The following RPTOR variants were observed in gnomAD, a reference collection of about 807,000 sequenced individuals.
RPTOR encodes regulatory-associated protein of mTOR.
Under a neutral mutation model 169.9 loss-of-function variants are expected in RPTOR, and 21 were observed. The ratio of observed to expected loss-of-function variants is 0.12; its 90% confidence interval spans 0.09 to 0.18. The LOEUF (loss-of-function observed/expected upper bound fraction) is 0.18. Ranked by LOEUF, RPTOR falls within the 10% of genes least tolerant of loss-of-function variation. The probability of loss-of-function intolerance (pLI) is 1.00; values close to 1 mark genes in which losing one functional copy is unlikely to be tolerated. For synonymous variants in RPTOR, 732 were observed against 753.2 expected, an observed-to-expected ratio of 0.97 and a Z score of 0.46; for missense variants, 1,133 against 1,855.9, an observed-to-expected ratio of 0.61 and a Z score of 7.16.
intron 11 of RPTOR, among the ~76,000 whole-genome samples, chr17:80,847,741 T>C (rs567125129): frequency 2.0e-5 from 3 of 152,148 alleles, no homozygotes; most frequent in South Asian, 4.2e-4. Context: ...GATCGGGTGG[T>C]GGTACCTCCA....
At chr17:80,940,403 T>C in intron 24 of RPTOR, 93 bp from the exon 25 acceptor site, 1 of 1,021,206 alleles carries the variant, frequency 9.8e-7, no homozygotes, top group Non-Finnish European at 1.4e-6. Context: ...CAGGTTTTGC[T>C]ATCCGAGGGG....
intron 2 of RPTOR, among the ~76,000 whole-genome samples, chr17:80,643,036 A>C (rs746265872): frequency 3.9e-5 from 6 of 152,238 alleles, no homozygotes; most frequent in Non-Finnish European, 7.3e-5. Flanking sequence ...TGAATGAAGA[A>C]AAATATTTAA....
chr17:80,858,074 T>A, intron 13 of RPTOR, 174 bp downstream of exon 13: 1 of 619,212 alleles, frequency 1.6e-6, no homozygotes, highest in East Asian at 2.8e-5. Context: ...GGCAGCCACC[T>A]CTGGGTCGTG....
At chr17:80,559,158 G>A (rs2084447575) in intron 1 of RPTOR, among the ~76,000 whole-genome samples, 1 of 152,146 alleles carries the variant, frequency 6.6e-6, no homozygotes, top group Non-Finnish European at 1.5e-5. Flanking sequence ...TTTTGGCCTT[G>A]CATGTAGTAG....
At chr17:80,701,242 C>T (rs990785610) in intron 3 of RPTOR, among the ~76,000 whole-genome samples, 2 of 152,154 alleles carry the variant, frequency 1.3e-5, no homozygotes, top group African/African-American at 2.4e-5. Flanking sequence ...CTCAGCGGCT[C>T]CACCTGGTTG....
chr17:80,904,017 G>T (rs1184373794), intron 20 of RPTOR, among the ~76,000 whole-genome samples: 1 of 152,222 alleles, frequency 6.6e-6, no homozygotes, highest in African/African-American at 2.4e-5. Context: ...AGGCCATTAT[G>T]ATGTTTGTCT....
intron 1 of RPTOR, among the ~76,000 whole-genome samples, chr17:80,610,317 T>TA (rs780491837): frequency 4.6e-5 from 7 of 152,224 alleles, no homozygotes; most frequent in Non-Finnish European, 1.0e-4. Flanking sequence ...ATTATGATGA[T>TA]ATAGACAGAA....
intron 29 of RPTOR, among the ~76,000 whole-genome samples, chr17:80,958,200 C>A (rs567811316): frequency 1.3e-4 from 5 of 39,686 alleles, no homozygotes; most frequent in African/African-American, 1.8e-4. Flanking sequence ...CCACCTCACC[C>A]CCCCCCCCCA....
intron 9 of RPTOR, among the ~76,000 whole-genome samples, chr17:80,832,319 C>G (rs189817688): frequency 8.7e-4 from 132 of 152,316 alleles, no homozygotes; most frequent in Non-Finnish European, 1.5e-3. Flanking sequence ...CGTGGAAGCT[C>G]GTGCTGGCCA....
chr17:80,637,450 C>G (rs962438105), intron 2 of RPTOR, among the ~76,000 whole-genome samples: 1 of 152,222 alleles, frequency 6.6e-6, no homozygotes, highest in East Asian at 1.9e-4. Context: ...ACCCCTGCTC[C>G]GCCCCCCTCT....
intron 6 of RPTOR, among the ~76,000 whole-genome samples, chr17:80,777,924 G>A (rs2066906912): frequency 6.6e-6 from 1 of 152,146 alleles, no homozygotes; most frequent in Non-Finnish European, 1.5e-5. Context: ...GCCAGAGGCT[G>A]AAGAGGGAAG....
chr17:80,937,861 C>A (rs953454860), intron 24 of RPTOR, among the ~76,000 whole-genome samples: 15 of 152,358 alleles, frequency 9.8e-5, no homozygotes, highest in African/African-American at 3.6e-4. Context: ...CCACCGCTCT[C>A]CCTCCTGCCT....
chr17:80,841,244 AG>A (rs2067648409), intron 10 of RPTOR, among the ~76,000 whole-genome samples: 1 of 95,298 alleles, frequency 1.0e-5, no homozygotes, highest in African/African-American at 4.6e-5. Context: ...ACCGCACGGC[AG>A]CTCACTCTCA....
rs1261462866 is a variant in RPTOR at position 80,708,607 on chromosome 17, GT to G, written c.507+609del. On this transcript the variant is annotated intron_variant, in intron 4 of 33. Coordinates refer to ENST00000306801, the MANE Select transcript of RPTOR (RefSeq NM_020761.3). The surrounding 1 kb of genome is among the most constrained non-coding windows in gnomAD (Gnocchi z 4.2). ...GACTGTTGTCCCCACCCTCCAGGGT[GT>G]GGTGGGTGCTGACTGTCTCCTCATC... Among the ~76,000 whole-genome samples, 768 of 144,438 alleles carry G rather than the reference GT, an allele frequency of 5.3e-3. 5 individuals carry two copies. Among genetic ancestry groups the G allele is most frequent in the Middle Eastern group, 0.01 (3 of 290 alleles). 94.8% of individuals were successfully genotyped at this position (144,438 alleles called of 152,430 possible).
At position 80,857,829 on chromosome 17, in the gene RPTOR, C is replaced by T. The variant is rs764460229; in HGVS notation, c.1438C>T (p.Leu480Phe). The change falls in exon 13 of 34, where the codon CTC becomes TTC. Residue 480 changes from leucine (L) to phenylalanine (F), a missense_variant. Leu to Phe is a conservative substitution (Grantham distance 22). Transcript: ENST00000306801. ...VGIFPYVLKL[L>F]QSSARELRPL... ...CATCTTCCCCTACGTGCTGAAGCTGCTCCAGAGCTCGGCCCGAGAGCTGCG... is the reference window on the plus strand; with the variant it reads ...CATCTTCCCCTACGTGCTGAAGCTGTTCCAGAGCTCGGCCCGAGAGCTGCG... 1.2e-6 allele frequency: 2 copies of T among 1,612,782 alleles called. No homozygotes were observed. Among genetic ancestry groups the T allele is most frequent in the Admixed American group, 1.7e-5 (1 of 60,022 alleles).
chr17:80,886,970 G>GCTGTGC, intron 17 of RPTOR, among the ~76,000 whole-genome samples: 1 of 152,298 alleles, frequency 6.6e-6, no homozygotes, highest in African/African-American at 2.4e-5. Flanking sequence ...GCTCCTGAGG[G>GCTGTGC]CTGTGCCTGT....
intron 1 of RPTOR, among the ~76,000 whole-genome samples, chr17:80,580,861 A>G (rs1005244814): frequency 6.6e-6 from 1 of 152,084 alleles, no homozygotes; most frequent in Non-Finnish European, 1.5e-5. Flanking sequence ...CTTCTGAGCT[A>G]AAGTGATCCT....
intron 23 of RPTOR, chr17:80,924,087 G>A: frequency 4.5e-6 from 1 of 221,900 alleles, no homozygotes; most frequent in African/African-American, 2.3e-5. Flanking sequence ...CAGAGCATTT[G>A]TTCTGAATGT....
intron 11 of RPTOR, among the ~76,000 whole-genome samples, chr17:80,854,677 T>C (rs1285703224): frequency 6.6e-6 from 1 of 152,240 alleles, no homozygotes; most frequent in Non-Finnish European, 1.5e-5. Flanking sequence ...GAGGGTTGCT[T>C]GAGCCAGAAG....
Sources: allele counts gnomAD v4.1 joint callset (sites outside exome capture counted in the v4.1 genomes callset), GRCh38; gene constraint gnomAD v4.1.1; non-coding constraint Gnocchi (gnomAD v3.1); transcripts MANE v1.5; gene names NCBI Gene and HGNC (gene_info 2026-07-23, HGNC 2026-07-21).